Variants in C1orf146 observed in about 807,000 individuals in gnomAD.
The protein encoded by C1orf146 is protein SPO16 homolog.
Under a neutral mutation model 23.0 loss-of-function variants are expected in C1orf146, and 22 were observed. That is an observed-to-expected ratio of 0.96 (90% confidence interval 0.68 to 1.36). C1orf146 has a LOEUF of 1.36. Among genes scored for constraint, C1orf146 ranks in the 40% most tolerant of loss-of-function variants. The pLI is 0.00. For synonymous variants in C1orf146, 59 were observed against 65.3 expected (o/e 0.90, Z 0.47); for missense variants, 199 against 206.8 (o/e 0.96, Z 0.23).
intron 1 of C1orf146, among the ~76,000 whole-genome samples, chr1:92,219,800 G>A (rs1022191562): frequency 3.3e-5 from 5 of 152,020 alleles, no homozygotes; most frequent in African/African-American, 1.2e-4. Context: ...AATTATAGGT[G>A]TGTGCCACTG....
In C1orf146 at chr1:92,245,559, T is replaced by C. The variant is rs1652592496; in HGVS notation, c.428T>C (p.Ile143Thr). 5.0e-6 allele frequency: 8 copies of C among 1,595,680 alleles called. No individual in the cohort carries two copies. In the South Asian group the frequency reaches 5.7e-5, roughly 11 times the overall value. The change falls in exon 6 of 6, where the codon ATA becomes ACA. Residue 143 changes from isoleucine to threonine, a missense_variant. By Grantham distance (89) the Ile-to-Thr change is moderately conservative. Coordinates refer to ENST00000370375, the MANE Select transcript of C1orf146 (RefSeq NM_001012425.2). The part of the protein sequence containing the change: ...TIAKTTSKPY[I>T]DSICYRMITA... ...TTCCAGACTACCTCCAAACCATACATAGATAGCATTTGCTACAGAATGATA... is the reference window on the plus strand; with the variant it reads ...TTCCAGACTACCTCCAAACCATACACAGATAGCATTTGCTACAGAATGATA...
chr1:92,222,494 C>T (rs1341083094), intron 1 of C1orf146, among the ~76,000 whole-genome samples: 1 of 150,084 alleles, frequency 6.7e-6, no homozygotes, highest in Non-Finnish European at 1.5e-5. Context: ...TTCCTCCTTC[C>T]CTTCTGTAAT....
chr1:92,229,162 T>C (rs1652042576), intron 1 of C1orf146: 5 of 527,970 alleles, frequency 9.5e-6, no homozygotes, highest in Admixed American at 2.1e-5. Context: ...ATGATCTTGA[T>C]CTTCATGGTG....
At chr1:92,229,040 G>A (rs1652038507) in intron 1 of C1orf146, 5 of 485,346 alleles carry the variant, frequency 1.0e-5, no homozygotes, top group Non-Finnish European at 2.0e-5. Flanking sequence ...GAACAGTGGA[G>A]GGGCCCAACT....
chr1:92,233,735 C>T (rs1355732205), intron 2 of C1orf146, among the ~76,000 whole-genome samples: 1 of 152,106 alleles, frequency 6.6e-6, no homozygotes, highest in Non-Finnish European at 1.5e-5. Context: ...ATTCTTCCTA[C>T]CCATGAGCAT....
In C1orf146 at chr1:92,241,054, C is replaced by G. The variant is rs940201893; in HGVS notation, c.67-1158C>G. Reference sequence around the variant, plus strand: ...ACTGTAATGTAAACTGATGAATTGTCAAATTGGTTGTCTTCTGTGATGGTA... The same window carrying G: ...ACTGTAATGTAAACTGATGAATTGTGAAATTGGTTGTCTTCTGTGATGGTA... On this transcript the variant is annotated intron_variant, in intron 2 of 5. Coordinates refer to ENST00000370375, the MANE Select transcript of C1orf146 (RefSeq NM_001012425.2). 5.1e-5 allele frequency: 18 copies of G among 349,578 alleles called. No homozygotes were observed. The East Asian group carries it at 8.6e-4, about 17-fold the overall frequency. The allele number at this position is 349,578 out of a possible 1,614,324, so 21.7% of individuals were successfully genotyped here.
rs1311610206 is a variant in C1orf146, at chr1:92,245,522, C to T, written c.409-18C>T. 2 of 1,570,652 alleles carry T rather than the reference C, an allele frequency of 1.3e-6. No homozygotes were observed. The highest frequency in any genetic ancestry group is 1.7e-6 in the Non-Finnish European group (2 of 1,158,080). On this transcript the variant is annotated intron_variant, in intron 5 of 5. Coordinates refer to ENST00000370375, the MANE Select transcript of C1orf146 (RefSeq NM_001012425.2). ...CTTATTTCTGTAAATAATGCTGCAT[C>T]TTTATATCTTCTTCCAGACTACCTC... is the stretch of plus-strand genomic sequence containing the variant.
intron 2 of C1orf146, among the ~76,000 whole-genome samples, chr1:92,236,897 G>A (rs1028042333): frequency 2.0e-5 from 3 of 151,930 alleles, no homozygotes; most frequent in South Asian, 2.1e-4. Flanking sequence ...CCAGTTGATC[G>A]CGTTGGCTCC....
chr1:92,232,628 A>G (rs1570792101), intron 2 of C1orf146, among the ~76,000 whole-genome samples: 1 of 152,092 alleles, frequency 6.6e-6, no homozygotes, highest in South Asian at 2.1e-4. Context: ...TTACCCAGTA[A>G]TGGGATGGCT....
intron 4 of C1orf146, 114 bp from the exon 5 acceptor site, chr1:92,244,665 G>A: frequency 1.4e-6 from 1 of 691,090 alleles, no homozygotes; most frequent in Non-Finnish European, 2.5e-6. Context: ...GTAAGGCAGG[G>A]CATGAATGCA....
At chr1:92,221,756 T>C (rs1651822887) in intron 1 of C1orf146, among the ~76,000 whole-genome samples, 1 of 152,190 alleles carries the variant, frequency 6.6e-6, no homozygotes, top group African/African-American at 2.4e-5. Context: ...TTAATTTTAG[T>C]TTCCATAGCA....
intron 1 of C1orf146, among the ~76,000 whole-genome samples, chr1:92,223,348 A>G (rs907246587): frequency 1.3e-5 from 2 of 152,208 alleles, no homozygotes; most frequent in African/African-American, 4.8e-5. Context: ...AATTTTAGCC[A>G]TTATAATAGG....
chr1:92,221,515 C>T (rs1651817937), intron 1 of C1orf146, among the ~76,000 whole-genome samples: 1 of 152,056 alleles, frequency 6.6e-6, no homozygotes, highest in Non-Finnish European at 1.5e-5. Flanking sequence ...AAATTTTTAC[C>T]ACTGAAACAA....
At chr1:92,235,351 C>G (rs947826764) in intron 2 of C1orf146, among the ~76,000 whole-genome samples, 7 of 152,080 alleles carry the variant, frequency 4.6e-5, no homozygotes, top group African/African-American at 1.7e-4. Flanking sequence ...TTATTTCTGC[C>G]TTCATTTCAT....
At chr1:92,238,116 ACGGG>A (rs1652341759) in intron 2 of C1orf146, among the ~76,000 whole-genome samples, 1 of 152,034 alleles carries the variant, frequency 6.6e-6, no homozygotes, top group Non-Finnish European at 1.5e-5. Context: ...TTTAGTAGAG[ACGGG>A]GTTTCACCAT....
At chr1:92,224,106 A>G (rs1203084848) in intron 1 of C1orf146, among the ~76,000 whole-genome samples, 1 of 150,772 alleles carries the variant, frequency 6.6e-6, no homozygotes, top group Non-Finnish European at 1.5e-5. Flanking sequence ...GCTGGAGTGC[A>G]GTGGCATGAA....
At position 92,240,999 on chromosome 1, in the gene C1orf146, C is replaced by T. The variant is rs1371987441; in HGVS notation, c.67-1213C>T. The T allele has an allele frequency of 9.3e-6, 4 of 429,896 alleles. No homozygotes were observed. The East Asian group carries it at 3.2e-4, about 34-fold the overall frequency. The allele number at this position is 429,896 out of a possible 1,614,324, so 26.6% of individuals were successfully genotyped here. A position where few individuals can be genotyped will look rare whatever the true frequency, so the allele number is the denominator to read the frequency against. ...TACATGTTTTATGACTCATCTAAGG[C>T]TTAAAACATTTTAAAAGTATACTAA... is the stretch of plus-strand genomic sequence containing the variant. On this transcript the variant is annotated intron_variant, in intron 2 of 5. Coordinates refer to ENST00000370375, the MANE Select transcript of C1orf146 (RefSeq NM_001012425.2).
At position 92,221,704 on chromosome 1, in the gene C1orf146, G is replaced by T. The variant is rs1057083809; in HGVS notation, c.-40+3656G>T. Among the ~76,000 whole-genome samples the T allele has an allele frequency of 4.6e-5, 7 of 152,172 alleles. 1 individual carries two copies. Among genetic ancestry groups the T allele is most frequent in the Admixed American group, 3.3e-4 (5 of 15,284 alleles). ...GTTATTTTTCACTATGCATAACAAG[G>T]GATTAGTTTTGCTTTCTTTGCTTGA... On this transcript the variant is annotated intron_variant, in intron 1 of 5. Coordinates refer to ENST00000370375, the MANE Select transcript of C1orf146 (RefSeq NM_001012425.2).
At chr1:92,228,393 C>G (rs77087606) in intron 1 of C1orf146, among the ~76,000 whole-genome samples, 2,128 of 152,290 alleles carry the variant, frequency 0.014, 49 homozygotes, top group African/African-American at 0.048. Flanking sequence ...CTGTTCTTAA[C>G]TCTTTGTATG....
Sources: allele counts gnomAD v4.1 joint callset (sites outside exome capture counted in the v4.1 genomes callset), GRCh38; gene constraint gnomAD v4.1.1; transcripts MANE v1.5; gene names NCBI Gene and HGNC (gene_info 2026-07-23, HGNC 2026-07-21).